The following ANKRD36 variants were observed in gnomAD, a reference collection of about 807,000 sequenced individuals.
The protein encoded by ANKRD36 is ankyrin repeat domain 36.
In ANKRD36, 179 loss-of-function variants were observed where a neutral mutation model predicts 278.1. The observed-to-expected ratio is 0.64, with a 90% confidence interval of 0.57 to 0.73. The LOEUF is 0.73. ANKRD36 is among the 30% of genes least tolerant of loss of function. ANKRD36 has a pLI of 0.00. For missense variants in ANKRD36, 1,159 were observed against 1,956.7 expected (o/e 0.59, Z 7.69); for synonymous variants, 320 against 641.1 (o/e 0.50, Z 7.57).
At chr2:97,143,947 G>A (rs71429332) in intron 8 of ANKRD36, among the ~76,000 whole-genome samples, 2 of 152,090 alleles carry the variant, frequency 1.3e-5, no homozygotes, top group East Asian at 1.9e-4. Flanking sequence ...TGAGAAATAA[G>A]GAATATTATA....
chr2:97,175,476 T>C (rs1240036296), intron 22 of ANKRD36, among the ~76,000 whole-genome samples: 2 of 151,898 alleles, frequency 1.3e-5, no homozygotes, highest in East Asian at 3.9e-4. Flanking sequence ...TGATATCCCC[T>C]TTATCATTTT....
Position 97,194,327 on chromosome 2 carries a change from G to A in ANKRD36, c.2450-399G>A, listed in dbSNP as rs185179842. ...TGAAAAATGTTTGTAGTATAATGGT[G>A]TAAATCCTTTTGATTTGTTGCATGA... On this transcript the variant is annotated intron_variant, in intron 38 of 75. Transcript: ENST00000420699. Among the ~76,000 whole-genome samples the A allele has an allele frequency of 1.1e-3, 163 of 151,722 alleles. 1 individual carries two copies. Among genetic ancestry groups the A allele is most frequent in the African/African-American group, 3.7e-3 (155 of 41,476 alleles).
At chr2:97,195,899 C>T (rs4535082) in intron 40 of ANKRD36, among the ~76,000 whole-genome samples, 130,514 of 151,956 alleles carry the variant, frequency 0.86, 57,515 homozygotes, top group African/African-American at 0.95. Flanking sequence ...TAATTGATGA[C>T]ATTTTTATTG....
Position 97,122,943 on chromosome 2 carries a change from A to C in ANKRD36, c.543A>C (p.Glu181Asp). 1 of 1,545,084 alleles carries C rather than the reference A, an allele frequency of 6.5e-7. No homozygotes were observed. Among genetic ancestry groups the C allele is most frequent in the Non-Finnish European group, 8.7e-7 (1 of 1,142,906 alleles). The change falls in exon 4 of 76, where the codon GAA becomes GAC. Residue 181 changes from glutamate to aspartate, a missense_variant. By Grantham distance (45) the Glu-to-Asp change is conservative (BLOSUM62 2). Coordinates refer to ENST00000420699, the MANE Select transcript of ANKRD36 (RefSeq NM_001354587.1). ...AVSRRKVKMV[E>D]FLLKKKANVN... ...GTCGAAGAAAAGTGAAAATGGTGGA[A>C]TTTTTATTAAAGAAAAAAGCAAATG... is the stretch of plus-strand genomic sequence containing the variant.
chr2:97,206,182 A>G lies in ANKRD36; in HGVS notation c.3163+47A>G, dbSNP rs191435824. 3.9e-5 allele frequency: 58 copies of G among 1,482,516 alleles called. 1 individual carries two copies. In the South Asian group the frequency reaches 5.2e-4, roughly 13 times the overall value. 91.8% of individuals were successfully genotyped at this position (1,482,516 alleles called of 1,614,324 possible). ...ATGCCATGTTCAGTCGAGATAGATAAGAAGTTCTCTTCCCCAAGTAAATCA... is the reference window on the plus strand; with the variant it reads ...ATGCCATGTTCAGTCGAGATAGATAGGAAGTTCTCTTCCCCAAGTAAATCA... On this transcript the variant is annotated intron_variant, in intron 52 of 75. Transcript: ENST00000420699.
intron 67 of ANKRD36, among the ~76,000 whole-genome samples, chr2:97,226,804 A>G (rs1220952166): frequency 2.0e-5 from 3 of 151,424 alleles, no homozygotes; most frequent in Non-Finnish European, 4.4e-5. Flanking sequence ...ATTTTTGTAT[A>G]AGGTGTAAGG....
At chr2:97,170,062 G>C (rs1288652690) in intron 22 of ANKRD36, among the ~76,000 whole-genome samples, 1 of 151,906 alleles carries the variant, frequency 6.6e-6, no homozygotes, top group African/African-American at 2.4e-5. Context: ...GCATGGTACA[G>C]CTACCAAAAC....
chr2:97,142,956 C>A, intron 8 of ANKRD36, 121 bp downstream of exon 8: 1 of 1,294,232 alleles, frequency 7.7e-7, no homozygotes, highest in Non-Finnish European at 1.0e-6. Flanking sequence ...GCCTGAGATT[C>A]TGCTTTTGTG....
intron 3 of ANKRD36, among the ~76,000 whole-genome samples, chr2:97,122,048 G>C (rs1302885070): frequency 2.3e-5 from 3 of 131,770 alleles, no homozygotes; most frequent in Non-Finnish European, 5.2e-5. Context: ...ATTAAAAAGA[G>C]ATAGGCTTCA....
chr2:97,155,064 A>G (rs1356564149), intron 15 of ANKRD36, among the ~76,000 whole-genome samples: 3 of 141,756 alleles, frequency 2.1e-5, no homozygotes, highest in Admixed American at 7.0e-5. Flanking sequence ...GTCTAGGCTT[A>G]TCTGAGTAAG....
At chr2:97,159,724 TAAATAATAAA>T (rs2048360821) in intron 17 of ANKRD36, among the ~76,000 whole-genome samples, 1 of 150,798 alleles carries the variant, frequency 6.6e-6, no homozygotes. Flanking sequence ...AATAAGTAAT[TAAATAATAAA>T]AAATAATAAA....
rs562147859 is a variant in ANKRD36, at chr2:97,202,248, T to C, written c.2886+18T>C. 3.7e-5 allele frequency: 59 copies of C among 1,608,698 alleles called. No individual in the cohort carries two copies. The African/African-American group carries it at 7.4e-4, about 20-fold the overall frequency. On this transcript the variant is annotated intron_variant, in intron 47 of 75. Coordinates refer to ENST00000420699, the MANE Select transcript of ANKRD36 (RefSeq NM_001354587.1). ...CCTTGAAGGTAATGAAACTCCCATT[T>C]ATCTTGTGAACGAGTTAATGTATGG...
At chr2:97,229,539 G>C (rs1215366038) in intron 67 of ANKRD36, among the ~76,000 whole-genome samples, 2 of 152,188 alleles carry the variant, frequency 1.3e-5, no homozygotes, top group East Asian at 3.9e-4. Flanking sequence ...GTCTCTGCAC[G>C]TGAGATGGGT....
At chr2:97,117,258 T>A (rs2060828) in intron 1 of ANKRD36, among the ~76,000 whole-genome samples, 4 of 151,642 alleles carry the variant, frequency 2.6e-5, no homozygotes, top group East Asian at 1.9e-4. Context: ...ATTTTTTTTT[T>A]TAAATTGAAG....
chr2:97,161,903 T>C (rs1559407315), intron 17 of ANKRD36, among the ~76,000 whole-genome samples, 196 bp from the exon 18 acceptor site: 1 of 152,154 alleles, frequency 6.6e-6, no homozygotes. Context: ...AATAATGAAT[T>C]GTGTCTTTCT....
rs777648687 is a variant in ANKRD36 at position 97,211,651 on chromosome 2, G to A, written c.3397-18G>A. 3.1e-6 allele frequency: 5 copies of A among 1,593,342 alleles called. No homozygotes were observed. Among genetic ancestry groups the A allele is most frequent in the Non-Finnish European group, 4.3e-6 (5 of 1,171,298 alleles). On this transcript the variant is annotated intron_variant, in intron 57 of 75. Transcript: ENST00000420699. Reference sequence around the variant, plus strand: ...ATATACTTTATTTATTGACTGTTTTGTTTCAAATTCTATTCAGGCTATCTG... The same window carrying A: ...ATATACTTTATTTATTGACTGTTTTATTTCAAATTCTATTCAGGCTATCTG...
At position 97,183,649 on chromosome 2, in the gene ANKRD36, G is replaced by C. The variant is rs1330118127; in HGVS notation, c.1934G>C (p.Gly645Ala). Residue 645 changes from glycine to alanine, a missense_variant, in exon 28 of 76, where the codon GGA (glycine) becomes GCA (alanine). Coordinates refer to ENST00000420699, the MANE Select transcript of ANKRD36 (RefSeq NM_001354587.1). ...ATRIMGGGKS[G>A]TVSSQKQPAS... ...AGAATAATGGGTGGTGGGAAATCTG[G>C]AACAGGTAATTTGGCAATACACATT... is the stretch of plus-strand genomic sequence containing the variant. 1.9e-6 allele frequency: 3 copies of C among 1,572,548 alleles called. No individual in the cohort carries two copies. Among genetic ancestry groups the C allele is most frequent in the Non-Finnish European group, 2.6e-6 (3 of 1,159,038 alleles).
At chr2:97,183,767 C>A in intron 28 of ANKRD36, 113 bp downstream of exon 28, 2 of 1,368,820 alleles carry the variant, frequency 1.5e-6, no homozygotes, top group African/African-American at 1.5e-5. Flanking sequence ...ATTCAGCAGG[C>A]CTGAGATTAT....
At chr2:97,181,680 C>G in intron 25 of ANKRD36, 41 bp from the exon 26 acceptor site, 2 of 1,605,562 alleles carry the variant, frequency 1.2e-6, no homozygotes, top group Non-Finnish European at 1.7e-6. Flanking sequence ...TCTATGAAAC[C>G]TACTTTACAT....
Sources: allele counts gnomAD v4.1 joint callset (sites outside exome capture counted in the v4.1 genomes callset), GRCh38; gene constraint gnomAD v4.1.1; transcripts MANE v1.5; gene names NCBI Gene and HGNC (gene_info 2026-07-23, HGNC 2026-07-21).